Variants in NEURL2 observed in about 807,000 individuals in gnomAD.
The protein encoded by NEURL2 is neuralized-like protein 2.
A neutral mutation model predicts 15.9 loss-of-function variants in NEURL2; 16 were observed. The ratio of observed to expected loss-of-function variants is 1.01; its 90% CI spans 0.68 to 1.53. NEURL2 has a LOEUF of 1.53. NEURL2 is among the 40% of genes most tolerant of loss of function. NEURL2 has a pLI of 0.00. For synonymous variants in NEURL2, 188 were observed against 178.3 expected (o/e 1.05, Z -0.43); for missense variants, 393 against 407.8 (o/e 0.96, Z 0.31).
Position 45,891,106 on chromosome 20 carries a change from C to T in NEURL2, c.-115G>A. ...TTCCCCCCTGACTCCCTTCCCCGAG[C>T]CTCTGCCCGGGGGTCCTAGCGCCGC... On this transcript the variant is annotated 5_prime_UTR_variant, in exon 1 of 2. Coordinates refer to ENST00000372518, the MANE Select transcript of NEURL2 (RefSeq NM_080749.4). This position sits in a 1 kb window ranked among gnomAD's most constrained non-coding sequence, Gnocchi z 4.6. The T allele has an allele frequency of 1.7e-6, 2 of 1,200,210 alleles. No individual in the cohort carries two copies. The highest frequency in any genetic ancestry group is 2.3e-6 in the Non-Finnish European group (2 of 873,268). The allele number at this position is 1,200,210 out of a possible 1,614,324, so 74.3% of individuals were successfully genotyped here. A position where few individuals can be genotyped will look rare whatever the true frequency, so the allele number is the denominator to read the frequency against.
At chr20:45,888,993 C>T (rs925647765) in intron 1 of NEURL2, 120 bp from the exon 2 acceptor site, 4 of 1,147,920 alleles carry the variant, frequency 3.5e-6, no homozygotes, top group Admixed American at 2.3e-5. Context: ...CCTTACTGCT[C>T]TCTGGGCCCA....
Position 45,890,773 on chromosome 20 carries a change from T to C in NEURL2, c.219A>G (p.Lys73=), listed in dbSNP as rs1460087776. ...GQVFLVEIEE[K]ELGWCGHLRL... is the part of the protein sequence containing the mutation. ...GCAGATGTCCGCACCAGCCCAGCTCTTTCTCCTCGATCTCGACCAGGAAGA... is the reference window on the plus strand; with the variant it reads ...GCAGATGTCCGCACCAGCCCAGCTCCTTCTCCTCGATCTCGACCAGGAAGA... Residue 73 remains lysine (K), a synonymous_variant, in exon 1 of 2, where the codon AAA becomes AAG. Transcript: ENST00000372518. 1 of 1,609,804 alleles carries C rather than the reference T, an allele frequency of 6.2e-7. No individual in the cohort carries two copies. Among genetic ancestry groups the C allele is most frequent in the East Asian group, 2.2e-5 (1 of 44,772 alleles).
In NEURL2 at chr20:45,890,674, G is replaced by T; in HGVS notation, c.318C>A (p.Asn106Lys). Reference sequence around the variant, plus strand: ...TGGCGAAGACCCAGGTGTGGCCCAGGTTGACCAGATCGGGCAGAGAAAACT... The same window carrying T: ...TGGCGAAGACCCAGGTGTGGCCCAGTTTGACCAGATCGGGCAGAGAAAACT... ...VPEFSLPDLV[N>K]LGHTWVFAIT... Residue 106 changes from asparagine to lysine, a missense_variant, in exon 1 of 2, where the codon AAC becomes AAA. By Grantham distance (94) the Asn-to-Lys change is moderately conservative. Transcript: ENST00000372518. 1 of 1,613,736 alleles carries T rather than the reference G, an allele frequency of 6.2e-7. No individual in the cohort carries two copies. The highest frequency in any genetic ancestry group is 8.5e-7 in the Non-Finnish European group (1 of 1,179,888).
At chr20:45,889,154 T>G (rs1003060294) in intron 1 of NEURL2, among the ~76,000 whole-genome samples, 2 of 152,152 alleles carry the variant, frequency 1.3e-5, no homozygotes, top group African/African-American at 4.8e-5. Context: ...CCTGTGCAAC[T>G]GAAGCCTCCA....
intron 1 of NEURL2, among the ~76,000 whole-genome samples, chr20:45,889,534 G>A (rs923043336): frequency 1.3e-5 from 2 of 151,726 alleles, no homozygotes; most frequent in Non-Finnish European, 2.9e-5. Context: ...TTAATTTTTT[G>A]TACAGATGGG....
chr20:45,890,274 G>T lies in NEURL2; in HGVS notation c.718C>A (p.Arg240Ser). Residue 240 changes from arginine to serine, a missense_variant, in exon 1 of 2, where the codon CGC becomes AGC. Physicochemically the swap from Arg to Ser is moderately radical, Grantham distance 110. Transcript: ENST00000372518. ...CAGCCATACTCGAGCTGGACAAGGC[G>T]CACGCTCTTTGTGGAAGCAAACACG... is the stretch of plus-strand genomic sequence containing the variant. Reference protein sequence around the residue: ...VDVFASTKSVRLVQLEYGLPS... With the variant: ...VDVFASTKSVSLVQLEYGLPS... The T allele has an allele frequency of 1.2e-6, 2 of 1,613,768 alleles. No homozygotes were observed. Among genetic ancestry groups the T allele is most frequent in the South Asian group, 1.1e-5 (1 of 91,090 alleles).
At chr20:45,890,075 C>T in intron 1 of NEURL2, 175 bp downstream of exon 1, 1 of 684,364 alleles carries the variant, frequency 1.5e-6, no homozygotes, top group Non-Finnish European at 2.4e-6. Flanking sequence ...TACCAAGGCC[C>T]AAAACCATGT....
In NEURL2 at chr20:45,890,381, A is replaced by T. The variant is rs142373830; in HGVS notation, c.611T>A (p.Met204Lys). 6.2e-7 allele frequency: 1 copy of T among 1,612,712 alleles called. No homozygotes were observed. Among genetic ancestry groups the T allele is most frequent in the African/African-American group, 1.3e-5 (1 of 74,922 alleles). Residue 204 changes from methionine to lysine, a missense_variant, in exon 1 of 2, where the codon ATG becomes AAG. Met to Lys is a moderately conservative substitution (Grantham distance 95, BLOSUM62 -1). Transcript: ENST00000372518. ...FCPRPDGTAD[M>K]HIIINGEDMG... ...GTCCTCGCCGTTGATGATGATGTGC[A>T]TGTCGGCCGTGCCATCGGGGCGCGG... is the stretch of plus-strand genomic sequence containing the variant.
rs371277500 is a variant in NEURL2, at chr20:45,888,826, C to T, written c.790G>A (p.Val264Met). 3.7e-6 allele frequency: 6 copies of T among 1,613,968 alleles called. No homozygotes were observed. Among genetic ancestry groups the T allele is most frequent in the African/African-American group, 2.7e-5 (2 of 74,898 alleles). ...AGCCCATCAATGGCCAGCCGGTGCA[C>T]CATGCTCCTTTGTATCACTAGGCGG... ...LCRLVIQRSM[V>M]HRLAIDGLHL... The change falls in exon 2 of 2, where the codon GTG (valine) becomes ATG (methionine). Residue 264 changes from valine (V) to methionine (M), a missense_variant. Transcript: ENST00000372518.
In NEURL2 at chr20:45,890,608, C is replaced by T; in HGVS notation, c.384G>A (p.Pro128=). 1.2e-6 allele frequency: 2 copies of T among 1,612,700 alleles called. No individual in the cohort carries two copies. Among genetic ancestry groups the T allele is most frequent in the Non-Finnish European group, 1.7e-6 (2 of 1,179,456 alleles). Residue 128 remains proline (P), a synonymous_variant, in exon 1 of 2, where the codon CCG becomes CCA. Coordinates refer to ENST00000372518, the MANE Select transcript of NEURL2 (RefSeq NM_080749.4). ...GGCTGGGGGCCGCTGCCTCCGCCTC[C>T]GGGCGGCCCTCCCGGGGCACGCGGT... The part of the protein sequence containing the change: ...HHNRVPREGR[P]EAEAAAPSRP...
In NEURL2 at chr20:45,891,018, G is replaced by A. The variant is rs759173543; in HGVS notation, c.-27C>T. The A allele has an allele frequency of 3.6e-5, 52 of 1,459,908 alleles. No individual in the cohort carries two copies. Among genetic ancestry groups the A allele is most frequent in the Non-Finnish European group, 4.7e-5 (52 of 1,106,000 alleles). 90.4% of individuals were successfully genotyped at this position (1,459,908 alleles called of 1,614,324 possible). A position where few individuals can be genotyped will look rare whatever the true frequency, so the allele number is the denominator to read the frequency against. ...TCTCGGCCATAGGGCAGGCCAGCTG[G>A]CGCCGGGGGCTATTTTGGGCGGCGG... On this transcript the variant is annotated 5_prime_UTR_variant, in exon 1 of 2. Coordinates refer to ENST00000372518, the MANE Select transcript of NEURL2 (RefSeq NM_080749.4). The surrounding 1 kb of genome is among the most constrained non-coding windows in gnomAD (Gnocchi z 4.6).
At position 45,890,592 on chromosome 20, in the gene NEURL2, C is replaced by T; in HGVS notation, c.400G>A (p.Ala134Thr). 6.2e-7 allele frequency: 1 copy of T among 1,612,286 alleles called. No homozygotes were observed. Among genetic ancestry groups the T allele is most frequent in the Non-Finnish European group, 8.5e-7 (1 of 1,179,368 alleles). ...REGRPEAEAA[A>T]PSRPPTLLVE... ...AGGAGGGTTGGAGGTCGGCTGGGGG[C>T]CGCTGCCTCCGCCTCCGGGCGGCCC... is the stretch of plus-strand genomic sequence containing the variant. Residue 134 changes from alanine to threonine, a missense_variant, in exon 1 of 2, where the codon GCC (alanine) becomes ACC (threonine). Coordinates refer to ENST00000372518, the MANE Select transcript of NEURL2 (RefSeq NM_080749.4).
chr20:45,888,988 C>G, intron 1 of NEURL2, 115 bp from the exon 2 acceptor site: 1 of 1,233,950 alleles, frequency 8.1e-7, no homozygotes, highest in East Asian at 2.5e-5. Context: ...CAAGTCCTTA[C>G]TGCTCTCTGG....
chr20:45,891,061 A>G lies in NEURL2; in HGVS notation c.-70T>C. On this transcript the variant is annotated 5_prime_UTR_variant, in exon 1 of 2. Transcript: ENST00000372518. This position sits in a 1 kb window ranked among gnomAD's most constrained non-coding sequence, Gnocchi z 4.6. ...GGCGGCGGGCAATGATGGTGACCGC[A>G]AGGCGACCTTGTAAGGCATTTCCCC... 1 of 1,404,392 alleles carries G rather than the reference A, an allele frequency of 7.1e-7. No homozygotes were observed. The allele number at this position is 1,404,392 out of a possible 1,614,324, so 87.0% of individuals were successfully genotyped here. A position where few individuals can be genotyped will look rare whatever the true frequency, so the allele number is the denominator to read the frequency against.
At chr20:45,889,683 G>A (rs927008422) in intron 1 of NEURL2, among the ~76,000 whole-genome samples, 1 of 149,178 alleles carries the variant, frequency 6.7e-6, no homozygotes, top group Non-Finnish European at 1.5e-5. Context: ...GTGAGATCTC[G>A]GCTCATTGCA....
At chr20:45,890,044 T>C (rs1234864999) in intron 1 of NEURL2, 3 of 600,756 alleles carry the variant, frequency 5.0e-6, no homozygotes, top group Non-Finnish European at 8.8e-6. Context: ...TAGGGCATCT[T>C]AATCAATCAA....
chr20:45,890,803 G>A lies in NEURL2; in HGVS notation c.189C>T (p.Gly63=). 1.3e-6 allele frequency: 2 copies of A among 1,595,548 alleles called. No individual in the cohort carries two copies. Among genetic ancestry groups the A allele is most frequent in the African/African-American group, 1.3e-5 (1 of 74,454 alleles). Residue 63 remains glycine (G), a synonymous_variant, in exon 1 of 2, where the codon GGC becomes GGT. Coordinates refer to ENST00000372518, the MANE Select transcript of NEURL2 (RefSeq NM_080749.4). Reference sequence around the variant, plus strand: ...CCTCGATCTCGACCAGGAAGACCTGGCCCGGGGCCAGCGGCTCGCGGCTGA... The same window carrying A: ...CCTCGATCTCGACCAGGAAGACCTGACCCGGGGCCAGCGGCTCGCGGCTGA... ...VCFSREPLAP[G]QVFLVEIEEK...
At chr20:45,889,434 C>T (rs1005121712) in intron 1 of NEURL2, among the ~76,000 whole-genome samples, 1 of 151,924 alleles carries the variant, frequency 6.6e-6, no homozygotes, top group African/African-American at 2.4e-5. Flanking sequence ...TGAACTGCAG[C>T]CTTCAATTCT....
Position 45,890,275 on chromosome 20 carries a change from C to T in NEURL2, c.717G>A (p.Val239=). The change falls in exon 1 of 2, where the codon GTG becomes GTA. Residue 239 remains valine (V), a synonymous_variant. Transcript: ENST00000372518. ...VVDVFASTKS[V]RLVQLEYGLP... ...AGCCATACTCGAGCTGGACAAGGCG[C>T]ACGCTCTTTGTGGAAGCAAACACGT... 1.2e-6 allele frequency: 2 copies of T among 1,613,800 alleles called. No homozygotes were observed. The highest frequency in any genetic ancestry group is 1.7e-6 in the Non-Finnish European group (2 of 1,180,038).
Sources: allele counts gnomAD v4.1 joint callset (sites outside exome capture counted in the v4.1 genomes callset), GRCh38; gene constraint gnomAD v4.1.1; non-coding constraint Gnocchi (gnomAD v3.1); transcripts MANE v1.5; gene names NCBI Gene and HGNC (gene_info 2026-07-23, HGNC 2026-07-21).